Variants in SEMA6A observed in about 807,000 individuals in gnomAD.
SEMA6A encodes the protein semaphorin-6A.
A neutral mutation model predicts 96.8 loss-of-function variants in SEMA6A; 25 were observed. That is an observed-to-expected ratio of 0.26 (90% confidence interval 0.19 to 0.36). SEMA6A has a LOEUF of 0.36. Among genes scored for constraint, SEMA6A ranks in the 10% least tolerant of loss-of-function variants. The pLI is 1.00. For missense variants in SEMA6A, 1,363 were observed against 1,323.1 expected (o/e 1.03, Z -0.47); for synonymous variants, 612 against 518.0 (o/e 1.18, Z -2.46).
intron 6 of SEMA6A, among the ~76,000 whole-genome samples, 190 bp downstream of exon 6, chr5:116,495,223 T>C (rs988392337): frequency 1.3e-5 from 2 of 152,170 alleles, no homozygotes; most frequent in Non-Finnish European, 2.9e-5. Flanking sequence ...GATGTGTCAA[T>C]CAATCCTGAA....
At chr5:116,509,806 T>A (rs1561506932) in intron 1 of SEMA6A, among the ~76,000 whole-genome samples, 1 of 152,134 alleles carries the variant, frequency 6.6e-6, no homozygotes, top group Non-Finnish European at 1.5e-5. Flanking sequence ...CTAAAGGCAC[T>A]GGAAATGTAG....
intron 17 of SEMA6A, among the ~76,000 whole-genome samples, chr5:116,470,122 G>A (rs1756027749): frequency 6.6e-6 from 1 of 152,042 alleles, no homozygotes; most frequent in Non-Finnish European, 1.5e-5. Context: ...AAAAATTTTA[G>A]AACCACCCTG....
At chr5:116,498,413 A>G (rs1757712736) in intron 3 of SEMA6A, 1 of 152,194 alleles carries the variant, frequency 6.6e-6, no homozygotes, top group South Asian at 2.1e-4. Context: ...ATATACATAT[A>G]TATAATTTTT....
chr5:116,559,602 C>G (rs1400676647), intron 1 of SEMA6A, among the ~76,000 whole-genome samples: 1 of 152,152 alleles, frequency 6.6e-6, no homozygotes, highest in Non-Finnish European at 1.5e-5. Flanking sequence ...AATACAAGAG[C>G]CTTGCAACTA....
chr5:116,478,500 A>G (rs779424197), intron 13 of SEMA6A, 42 bp downstream of exon 13: 44 of 1,538,956 alleles, frequency 2.9e-5, no homozygotes, highest in Non-Finnish European at 2.6e-6. Context: ...CCATAATAGC[A>G]TAACAAATAA....
chr5:116,487,666 A>C (rs760614411), intron 9 of SEMA6A, among the ~76,000 whole-genome samples: 9 of 152,138 alleles, frequency 5.9e-5, no homozygotes, highest in Non-Finnish European at 1.2e-4. Flanking sequence ...GGAGTTCGAG[A>C]CCACCCTGCC....
At chr5:116,471,923 T>C (rs780730709) in intron 17 of SEMA6A, among the ~76,000 whole-genome samples, 1 of 152,216 alleles carries the variant, frequency 6.6e-6, no homozygotes, top group Non-Finnish European at 1.5e-5. Context: ...TTCCCTTTTT[T>C]AAAATTTATT....
rs530569499 is a variant in SEMA6A, at chr5:116,533,569, C to T, written c.-38-28587G>A. Among the ~76,000 whole-genome samples the T allele has an allele frequency of 3.3e-5, 5 of 152,224 alleles. No individual in the cohort carries two copies. In the South Asian group the frequency reaches 6.2e-4, roughly 19 times the overall value. On this transcript the variant is annotated intron_variant, in intron 1 of 18. Coordinates refer to ENST00000343348, the MANE Select transcript of SEMA6A (RefSeq NM_020796.5). ...CAGCATACTTTTCTCTGGAGCGAGG[C>T]GGCACTGTCAGAGAAAAATTGTACA... is the stretch of plus-strand genomic sequence containing the variant.
At chr5:116,507,157 G>A (rs1438460424) in intron 1 of SEMA6A, among the ~76,000 whole-genome samples, 2 of 152,128 alleles carry the variant, frequency 1.3e-5, no homozygotes, top group African/African-American at 4.8e-5. Context: ...CTCTCTGCCA[G>A]GAAAAATAGC....
At chr5:116,548,156 T>G (rs1288952256) in intron 1 of SEMA6A, among the ~76,000 whole-genome samples, 1 of 152,218 alleles carries the variant, frequency 6.6e-6, no homozygotes, top group African/African-American at 2.4e-5. Flanking sequence ...ACAGGCCAGT[T>G]ATAATGCCTT....
At chr5:116,452,749 C>G (rs1754721483) in intron 18 of SEMA6A, among the ~76,000 whole-genome samples, 4 of 152,326 alleles carry the variant, frequency 2.6e-5, no homozygotes, top group East Asian at 3.9e-4. Flanking sequence ...GGCTCTGAGA[C>G]AATTTGCTTT....
At chr5:116,487,047 A>G in intron 9 of SEMA6A, 81 bp from the exon 10 acceptor site, 1 of 980,646 alleles carries the variant, frequency 1.0e-6, no homozygotes, top group Non-Finnish European at 1.6e-6. Context: ...TTCCTTGAAA[A>G]CAGAAACAAA....
At chr5:116,551,767 G>T (rs1045873985) in intron 1 of SEMA6A, among the ~76,000 whole-genome samples, 2 of 152,160 alleles carry the variant, frequency 1.3e-5, no homozygotes, top group African/African-American at 4.8e-5. Context: ...TATCTCAGAG[G>T]TCGTAATCAC....
intron 5 of SEMA6A, chr5:116,495,878 C>T: frequency 6.2e-6 from 2 of 322,680 alleles, no homozygotes; most frequent in East Asian, 1.6e-4. Flanking sequence ...TATATGACCA[C>T]AGGCACAAAA....
At chr5:116,516,695 C>T (rs975595206) in intron 1 of SEMA6A, among the ~76,000 whole-genome samples, 11 of 152,070 alleles carry the variant, frequency 7.2e-5, no homozygotes, top group Non-Finnish European at 1.0e-4. Flanking sequence ...AGGATACCAC[C>T]GCATAAAATG....
rs148621876 is a variant in SEMA6A, at chr5:116,455,352, C to A, written c.1895-7541G>T. Among the ~76,000 whole-genome samples, 9 of 152,284 alleles carry A rather than the reference C, an allele frequency of 5.9e-5. No homozygotes were observed. In the East Asian group the frequency reaches 1.7e-3, roughly 29 times the overall value. ...TTCATGTGTTAGAACTGTTACTGTC[C>A]CCGTAAAGGTAATGATTCTTTTACA... On this transcript the variant is annotated intron_variant, in intron 18 of 18. Coordinates refer to ENST00000343348, the MANE Select transcript of SEMA6A (RefSeq NM_020796.5).
chr5:116,482,299 T>C, intron 11 of SEMA6A, 145 bp downstream of exon 11: 1 of 764,048 alleles, frequency 1.3e-6, no homozygotes, highest in South Asian at 1.9e-5. Flanking sequence ...AGAAGGTAAC[T>C]TTGGGTTTTG....
chr5:116,565,641 T>G (rs1396389548), intron 1 of SEMA6A, among the ~76,000 whole-genome samples: 1 of 152,246 alleles, frequency 6.6e-6, no homozygotes, highest in Non-Finnish European at 1.5e-5. Context: ...GAAACTCAGA[T>G]GCTCATGTTT....
At chr5:116,539,254 G>T (rs189924369) in intron 1 of SEMA6A, among the ~76,000 whole-genome samples, 3 of 152,276 alleles carry the variant, frequency 2.0e-5, no homozygotes, top group Admixed American at 1.3e-4. Flanking sequence ...AAAGTTGGAG[G>T]CAATCCTGGT....
Sources: allele counts gnomAD v4.1 joint callset (sites outside exome capture counted in the v4.1 genomes callset), GRCh38; gene constraint gnomAD v4.1.1; transcripts MANE v1.5; gene names NCBI Gene and HGNC (gene_info 2026-07-23, HGNC 2026-07-21).